Variants in NFAT5 observed in about 807,000 individuals in gnomAD.
NFAT5 encodes the protein nuclear factor of activated T-cells 5.
A neutral mutation model predicts 166.5 loss-of-function variants in NFAT5; 31 were observed. The observed-to-expected ratio is 0.19, with a 90% confidence interval of 0.14 to 0.25. The LOEUF (loss-of-function observed/expected upper bound fraction) is 0.25. Ranked by LOEUF, NFAT5 falls within the 10% of genes least tolerant of loss-of-function variation. The probability of loss-of-function intolerance (pLI) is 1.00; values close to 1 mark genes in which losing one functional copy is unlikely to be tolerated. For missense variants in NFAT5, 1,449 were observed against 1,821.8 expected, an observed-to-expected ratio of 0.80 and a Z score of 3.72; for synonymous variants, 612 against 639.7, an observed-to-expected ratio of 0.96 and a Z score of 0.65.
At chr16:69,648,988 G>T in intron 4 of NFAT5, 1 of 971,352 alleles carries the variant, frequency 1.0e-6, no homozygotes, top group African/African-American at 1.8e-5. Context: ...GTAGTTAAAT[G>T]AAAATGAATA....
rs373838844 is a variant in NFAT5, at chr16:69,568,344, A to ATGTGTGTGTG, written c.74-150_74-149insGTGTGTGTGT. Reference sequence around the variant, plus strand: ...TCAAAATGTATGTGTGTATATATATATATGTGTGTGTGTGTGTGTGTGTGT... The same window carrying ATGTGTGTGTG: ...TCAAAATGTATGTGTGTATATATATATGTGTGTGTGTATGTGTGTGTGTGTGTGTGTGTGT... On this transcript the variant is annotated intron_variant, in intron 1 of 14. Transcript: ENST00000349945. 9.4e-3 allele frequency: 2,032 copies of ATGTGTGTGTG among 215,208 alleles called. 22 individuals are homozygous for ATGTGTGTGTG. Among genetic ancestry groups the ATGTGTGTGTG allele is most frequent in the African/African-American group, 0.024 (782 of 33,120 alleles). 13.3% of individuals were successfully genotyped at this position (215,208 alleles called of 1,614,324 possible).
At chr16:69,571,128 CTAAAAAAAA>C (rs2016406872) in intron 2 of NFAT5, among the ~76,000 whole-genome samples, 1 of 36,746 alleles carries the variant, frequency 2.7e-5, no homozygotes, top group African/African-American at 1.4e-4. Flanking sequence ...CCCATCTCTA[CTAAAAAAAA>C]AAAAAAAAAA....
Position 69,692,053 on chromosome 16 carries a change from A to T in NFAT5, c.2228A>T (p.Asp743Val). The change falls in exon 13 of 15, where the codon GAT becomes GTT. Residue 743 changes from aspartate to valine, a missense_variant. Asp to Val is a radical substitution (Grantham distance 152). Around this residue, in one of 7 missense-constraint regions of NFAT5, gnomAD observed 891 missense variants for 993.0 expected, o/e 0.90. Transcript: ENST00000349945. Reference protein sequence around the residue: ...ETQSREILQSDGTVVNLSQLT... With the variant: ...ETQSREILQSVGTVVNLSQLT... Reference sequence around the variant, plus strand: ...CAGTCTAGAGAGATATTACAGTCAGATGGTACAGTGGTTAATTTGTCACAA... The same window carrying T: ...CAGTCTAGAGAGATATTACAGTCAGTTGGTACAGTGGTTAATTTGTCACAA... The T allele has an allele frequency of 6.2e-7, 1 of 1,614,198 alleles. No homozygotes were observed. Among genetic ancestry groups the T allele is most frequent in the East Asian group, 2.2e-5 (1 of 44,888 alleles).
At chr16:69,588,980 C>CTTTT (rs945918292) in intron 2 of NFAT5, among the ~76,000 whole-genome samples, 721 of 34,346 alleles carry the variant, frequency 0.021, 50 homozygotes, top group East Asian at 0.07. Flanking sequence ...TTTCCTACTT[C>CTTTT]TTTTTTTTTT....
chr16:69,635,707 C>T (rs1194693823), intron 3 of NFAT5, among the ~76,000 whole-genome samples: 2 of 152,178 alleles, frequency 1.3e-5, no homozygotes, highest in Non-Finnish European at 2.9e-5. Flanking sequence ...CCCTGATAAA[C>T]CCATCAGATC....
At chr16:69,571,501 A>G (rs895624256) in intron 2 of NFAT5, among the ~76,000 whole-genome samples, 38 of 152,070 alleles carry the variant, frequency 2.5e-4, no homozygotes, top group Non-Finnish European at 5.9e-5. Flanking sequence ...CCTCTTGACT[A>G]CTGTGCTGTA....
chr16:69,567,076 C>T (rs766459828), intron 1 of NFAT5, among the ~76,000 whole-genome samples: 6 of 152,060 alleles, frequency 3.9e-5, no homozygotes, highest in Admixed American at 1.3e-4. Context: ...CTCCCTTCTC[C>T]TTTACAAAGA....
chr16:69,602,785 T>G (rs1000673472), intron 2 of NFAT5, among the ~76,000 whole-genome samples: 5 of 151,598 alleles, frequency 3.3e-5, no homozygotes, highest in Non-Finnish European at 7.4e-5. Context: ...TTTTGTTTTT[T>G]TTTTTGGTAG....
chr16:69,570,736 T>C (rs1255435762), intron 2 of NFAT5, among the ~76,000 whole-genome samples: 1 of 152,182 alleles, frequency 6.6e-6, no homozygotes, highest in African/African-American at 2.4e-5. Context: ...TAGTATATAG[T>C]ATATCCTATA....
intron 10 of NFAT5, among the ~76,000 whole-genome samples, chr16:69,680,872 G>A (rs1412917176): frequency 6.6e-6 from 1 of 152,094 alleles, no homozygotes; most frequent in Non-Finnish European, 1.5e-5. Flanking sequence ...CAATTCTCCT[G>A]CCACAGCCTC....
rs2037915175 is a variant in NFAT5 at position 69,702,480 on chromosome 16, G to A, written c.*6129G>A. Reference sequence around the variant, plus strand: ...TATATATTTTGTGCCATGTATATAAGAACATTACAATATATCTTTTTCTAC... The same window carrying A: ...TATATATTTTGTGCCATGTATATAAAAACATTACAATATATCTTTTTCTAC... On this transcript the variant is annotated 3_prime_UTR_variant, in exon 15 of 15. Transcript: ENST00000349945. The A allele has an allele frequency of 6.6e-6, 1 of 152,180 alleles. No individual in the cohort carries two copies. Among genetic ancestry groups the A allele is most frequent in the African/African-American group, 2.4e-5 (1 of 41,428 alleles). 9.4% of individuals were successfully genotyped at this position (152,180 alleles called of 1,614,324 possible). A position where few individuals can be genotyped will look rare whatever the true frequency, so the allele number is the denominator to read the frequency against.
In NFAT5 at chr16:69,704,412, C is replaced by T. The variant is rs61226575; in HGVS notation, c.*8061C>T. 1.3e-5 allele frequency: 2 copies of T among 152,512 alleles called. No homozygotes were observed. Among genetic ancestry groups the T allele is most frequent in the African/African-American group, 2.4e-5 (1 of 41,404 alleles). The allele number at this position is 152,512 out of a possible 1,614,324, so 9.4% of individuals were successfully genotyped here. ...CACTGAACTGCCTTCTTCCATTGTC[C>T]TGCAATGATATAAGGGTTACATTTT... On this transcript the variant is annotated 3_prime_UTR_variant, in exon 15 of 15. Coordinates refer to ENST00000349945, the MANE Select transcript of NFAT5 (RefSeq NM_138713.4).
At chr16:69,686,965 T>C (rs1490448566) in intron 11 of NFAT5, among the ~76,000 whole-genome samples, 1 of 152,226 alleles carries the variant, frequency 6.6e-6, no homozygotes, top group African/African-American at 2.4e-5. Context: ...CTTGATGTTC[T>C]TAGAGCAAAT....
chr16:69,641,119 A>C (rs1437530172), intron 3 of NFAT5, among the ~76,000 whole-genome samples: 1 of 151,402 alleles, frequency 6.6e-6, no homozygotes. Context: ...CTCTACTAAA[A>C]ATACAAAAAT....
rs2016029265 is a variant in NFAT5, at chr16:69,566,307, C to T, written c.6C>T (p.Pro2=). Residue 2 remains proline (P), a synonymous_variant, in exon 1 of 15, where the codon CCC becomes CCT. Coordinates refer to ENST00000349945, the MANE Select transcript of NFAT5 (RefSeq NM_138713.4). This position sits in a 1 kb window ranked among gnomAD's most constrained non-coding sequence, Gnocchi z 5.7. M[P]SDFISLLSAD... ...CCGGGCTGGGTCGAGCTGCGATGCC[C>T]TCGGACTTCATCTCATTGCTCAGCG... 1.2e-6 allele frequency: 2 copies of T among 1,605,750 alleles called. No individual in the cohort carries two copies.
intron 2 of NFAT5, among the ~76,000 whole-genome samples, chr16:69,574,233 C>T (rs894298662): frequency 6.6e-6 from 1 of 152,002 alleles, no homozygotes; most frequent in Non-Finnish European, 1.5e-5. Context: ...TTAAGAGTAA[C>T]AGGTAACTAG....
At chr16:69,591,907 G>A (rs1342652876) in intron 2 of NFAT5, among the ~76,000 whole-genome samples, 1 of 151,846 alleles carries the variant, frequency 6.6e-6, no homozygotes, top group Non-Finnish European at 1.5e-5. Flanking sequence ...TTCAGCCTGG[G>A]TGACAGAATG....
At chr16:69,591,155 C>CGA (rs2032437828) in intron 2 of NFAT5, among the ~76,000 whole-genome samples, 1 of 152,132 alleles carries the variant, frequency 6.6e-6, no homozygotes, top group Non-Finnish European at 1.5e-5. Context: ...TGGTCTCAAA[C>CGA]GCCTGACCTC....
At chr16:69,613,028 T>C (rs1291532888) in intron 2 of NFAT5, among the ~76,000 whole-genome samples, 1 of 152,210 alleles carries the variant, frequency 6.6e-6, no homozygotes, top group Non-Finnish European at 1.5e-5. Context: ...AACTGAATTC[T>C]CTTTCCAGGT....
Sources: allele counts gnomAD v4.1 joint callset (sites outside exome capture counted in the v4.1 genomes callset), GRCh38; gene constraint gnomAD v4.1.1; regional missense constraint gnomAD v4.1.1; non-coding constraint Gnocchi (gnomAD v3.1); transcripts MANE v1.5; gene names NCBI Gene and HGNC (gene_info 2026-07-23, HGNC 2026-07-21).